The following TFIP11 variants were observed in gnomAD, a reference collection of about 807,000 sequenced individuals.
The protein encoded by TFIP11 is tuftelin-interacting protein 11.
Under a neutral mutation model 96.8 loss-of-function variants are expected in TFIP11, and 86 were observed. The observed-to-expected ratio is 0.89, with a 90% CI of 0.75 to 1.06. The LOEUF (loss-of-function observed/expected upper bound fraction) is 1.06. Among genes scored for constraint, TFIP11 ranks in the 50% least tolerant of loss-of-function variants. The pLI is 0.00. For synonymous variants in TFIP11, 405 were observed against 395.2 expected (o/e 1.02, Z -0.29); for missense variants, 881 against 1,076.7 (o/e 0.82, Z 2.54).
intron 11 of TFIP11, 110 bp downstream of exon 11, chr22:26,496,611 C>G: frequency 3.6e-6 from 5 of 1,387,792 alleles, no homozygotes; most frequent in Non-Finnish European, 4.9e-6. Context: ...GTTGTGTTGA[C>G]AAATTCCGTT....
At chr22:26,509,250 C>G (rs1281829009) in intron 4 of TFIP11, among the ~76,000 whole-genome samples, 1 of 152,206 alleles carries the variant, frequency 6.6e-6, no homozygotes, top group Non-Finnish European at 1.5e-5. Flanking sequence ...TACCGTGATG[C>G]TTCCCATCAA....
At chr22:26,495,040 C>G (rs1020758471) in intron 12 of TFIP11, 101 bp from the exon 13 acceptor site, 9 of 1,492,510 alleles carry the variant, frequency 6.0e-6, no homozygotes, top group African/African-American at 4.1e-5. Context: ...CAGCTTACAG[C>G]AACCTCCGCC....
intron 14 of TFIP11, 38 bp downstream of exon 14, chr22:26,494,101 T>G (rs1921603887): frequency 6.2e-7 from 1 of 1,607,464 alleles, no homozygotes; most frequent in South Asian, 1.1e-5. Flanking sequence ...AATCTGAAAC[T>G]TGGGGCCAGG....
At chr22:26,509,619 G>A (rs1030198803) in intron 4 of TFIP11, among the ~76,000 whole-genome samples, 1 of 152,204 alleles carries the variant, frequency 6.6e-6, no homozygotes. Context: ...ACTTTGGGAG[G>A]CTGAGGTGGG....
chr22:26,506,294 G>A lies in TFIP11; in HGVS notation c.520+9C>T. 6.3e-7 allele frequency: 1 copy of A among 1,598,802 alleles called. No homozygotes were observed. The highest frequency in any genetic ancestry group is 8.5e-7 in the Non-Finnish European group (1 of 1,174,254). ...TCCTCCATCATGCAAGACGACAAAG[G>A]TGCAATACCTTGTGCATTCTTCCCG... is the stretch of plus-strand genomic sequence containing the variant. On this transcript the variant is annotated intron_variant, in intron 6 of 14. Coordinates refer to ENST00000407690, the MANE Select transcript of TFIP11 (RefSeq NM_012143.4).
At chr22:26,492,781 C>CGGCGA in intron 14 of TFIP11, 1 of 188,406 alleles carries the variant, frequency 5.3e-6, no homozygotes, top group Non-Finnish European at 1.1e-5. Flanking sequence ...TTTTAACCTA[C>CGGCGA]CCACACAGGG....
chr22:26,499,714 CA>C (rs1470282119), intron 8 of TFIP11, 83 bp from the exon 9 acceptor site: 65 of 1,412,416 alleles, frequency 4.6e-5, no homozygotes, highest in Admixed American at 2.1e-4. Flanking sequence ...GGCCCCATGA[CA>C]GGGGAAGTGT....
At chr22:26,509,934 T>C (rs554945304) in intron 4 of TFIP11, 130 bp downstream of exon 4, 1 of 855,332 alleles carries the variant, frequency 1.2e-6, no homozygotes, top group East Asian at 2.5e-5. Flanking sequence ...CCTCTCGAGA[T>C]GATGTCACAG....
At position 26,499,273 on chromosome 22, in the gene TFIP11, A is replaced by G; in HGVS notation, c.1160T>C (p.Met387Thr). The G allele has an allele frequency of 6.2e-7, 1 of 1,613,862 alleles. No homozygotes were observed. The highest frequency in any genetic ancestry group is 8.5e-7 in the Non-Finnish European group (1 of 1,179,880). Reference sequence around the variant, plus strand: ...GAGGGGGTTGCTGCAGTCGGGCTGCATCCGCCGCTCGCACTCCTCCACCAT... The same window carrying G: ...GAGGGGGTTGCTGCAGTCGGGCTGCGTCCGCCGCTCGCACTCCTCCACCAT... ...LEMVEECERRMQPDCSNPLTL... is the reference protein window; with the variant it reads ...LEMVEECERRTQPDCSNPLTL... Residue 387 changes from methionine (M) to threonine (T), a missense_variant, in exon 9 of 15, where the codon ATG becomes ACG. Physicochemically the swap from Met to Thr is moderately conservative, Grantham distance 81. Transcript: ENST00000407690.
intron 4 of TFIP11, among the ~76,000 whole-genome samples, chr22:26,507,867 A>C (rs1923606326): frequency 6.6e-6 from 1 of 152,192 alleles, no homozygotes; most frequent in African/African-American, 2.4e-5. Context: ...TCATGCCCAT[A>C]ATCTCAGCAC....
chr22:26,506,747 A>G (rs1401519379), intron 5 of TFIP11, 28 bp downstream of exon 5: 1 of 1,612,906 alleles, frequency 6.2e-7, no homozygotes. Context: ...GGATATTCCT[A>G]GGGTCACAAT....
At chr22:26,507,024 G>A in intron 4 of TFIP11, 96 bp from the exon 5 acceptor site, 1 of 1,393,238 alleles carries the variant, frequency 7.2e-7, no homozygotes, top group East Asian at 2.3e-5. Flanking sequence ...AGACTCCTTA[G>A]AGTGAATCTC....
At position 26,496,718 on chromosome 22, in the gene TFIP11, C is replaced by T; in HGVS notation, c.1605+3G>A. 6.2e-7 allele frequency: 1 copy of T among 1,613,552 alleles called. No individual in the cohort carries two copies. ...CGACTGTTTCCCATGACTCTCATCC[C>T]ACCTCCTTTTGCAGCTTGGGGAAGA... On this transcript the variant is annotated splice_donor_region_variant and intron_variant, in intron 11 of 14. Transcript: ENST00000407690.
At position 26,506,400 on chromosome 22, in the gene TFIP11, G is replaced by A; in HGVS notation, c.423C>T (p.Asp141=). ...TTGTGTGTCTTTCCCAGCTGCCGAA[G>A]TCCATGAAAGATTTGGTTCCTCCTG... is the stretch of plus-strand genomic sequence containing the variant. ...GFAGGTKSFM[D]FGSWERHTKG... Residue 141 remains aspartate, a synonymous_variant, in exon 6 of 15, where the codon GAC becomes GAT. Transcript: ENST00000407690. 1 of 1,614,072 alleles carries A rather than the reference G, an allele frequency of 6.2e-7. No individual in the cohort carries two copies. The highest frequency in any genetic ancestry group is 8.5e-7 in the Non-Finnish European group (1 of 1,179,984).
chr22:26,506,626 A>G lies in TFIP11; in HGVS notation c.363+149T>C, dbSNP rs959654843. ...GTGTCAGGAAGGAAGAGACTGCACT[A>G]CACACTTCACAACTCACAGAAACCT... On this transcript the variant is annotated intron_variant, in intron 5 of 14. Coordinates refer to ENST00000407690, the MANE Select transcript of TFIP11 (RefSeq NM_012143.4). The G allele has an allele frequency of 7.0e-6, 9 of 1,290,288 alleles. No individual in the cohort carries two copies. In the African/African-American group the frequency reaches 8.9e-5, roughly 13 times the overall value. 79.9% of individuals were successfully genotyped at this position (1,290,288 alleles called of 1,614,324 possible).
In TFIP11 at chr22:26,491,386, A is replaced by G. The variant is rs1317633521; in HGVS notation, c.*627T>C. On this transcript the variant is annotated 3_prime_UTR_variant, in exon 15 of 15. Transcript: ENST00000407690. ...AAAAAGTAAAGTGGGGATGACAAGT[A>G]AAGTGGAAATTTATCCCAGAAGAGT... 2 of 1,162,078 alleles carry G rather than the reference A, an allele frequency of 1.7e-6. No individual in the cohort carries two copies. The highest frequency in any genetic ancestry group is 3.1e-5 in the African/African-American group (2 of 64,118). 72.0% of individuals were successfully genotyped at this position (1,162,078 alleles called of 1,614,324 possible).
chr22:26,501,778 A>C (rs1007175116), intron 8 of TFIP11, 122 bp downstream of exon 8: 2 of 802,154 alleles, frequency 2.5e-6, no homozygotes, highest in Non-Finnish European at 3.8e-6. Context: ...TGAGAAAAGC[A>C]AGGTACCAAA....
rs1188583600 is a variant in TFIP11, at chr22:26,492,360, T to A, written c.2167A>T (p.Met723Leu). 7 of 1,613,966 alleles carry A rather than the reference T, an allele frequency of 4.3e-6. No homozygotes were observed. The highest frequency in any genetic ancestry group is 5.9e-6 in the Non-Finnish European group (7 of 1,179,956). Residue 723 changes from methionine to leucine, a missense_variant, in exon 15 of 15, where the codon ATG becomes TTG. By Grantham distance (15) the Met-to-Leu change is conservative (BLOSUM62 2). Transcript: ENST00000407690. ...RAVSSNVGAY[M>L]QPGARENIAY... ...ATGTTCTCCCGTGCTCCTGGCTGCA[T>A]GTAGGCACCTAAGATACAGGAGGAC...
In TFIP11 at chr22:26,496,297, A is replaced by C; in HGVS notation, c.1625T>G (p.Leu542Arg). The C allele has an allele frequency of 6.3e-7, 1 of 1,599,334 alleles. No homozygotes were observed. The highest frequency in any genetic ancestry group is 8.6e-7 in the Non-Finnish European group (1 of 1,169,192). ...LQKEVENWNP[L>R]TDTVPIHSWI... is the part of the protein sequence containing the mutation. ...AGAGTGGATGGGAACAGTGTCTGTG[A>C]GCGGGTTCCAGTTTTCCACCTGCGA... is the stretch of plus-strand genomic sequence containing the variant. Residue 542 changes from leucine to arginine, a missense_variant, in exon 12 of 15, where the codon CTC becomes CGC. Transcript: ENST00000407690.
Sources: gnomAD v4.1 joint callset for allele counts (sites outside exome capture counted in the v4.1 genomes callset) on GRCh38, gnomAD v4.1.1 for gene constraint, MANE v1.5 for transcripts, NCBI Gene and HGNC (gene_info 2026-07-23, HGNC 2026-07-21) for gene names.